DLC1: variants seen among roughly 807,000 people sequenced by gnomAD.
DLC1 encodes rho GTPase-activating protein 7.
A neutral mutation model predicts 140.3 loss-of-function variants in DLC1; 54 were observed. The observed-to-expected ratio is 0.38, with a 90% CI of 0.31 to 0.48. The LOEUF is 0.48. DLC1 is among the 20% of genes least tolerant of loss of function. The pLI, the probability that DLC1 is intolerant of heterozygous loss-of-function variation, is 0.96. For synonymous variants in DLC1, 986 were observed against 728.1 expected (o/e 1.35, Z -5.70); for missense variants, 2,536 against 1,907.0 (o/e 1.33, Z -6.14).
At chr8:13,172,760 A>G (rs1162572861) in intron 5 of DLC1, among the ~76,000 whole-genome samples, 2 of 152,216 alleles carry the variant, frequency 1.3e-5, no homozygotes, top group African/African-American at 4.8e-5. Flanking sequence ...CTGATCTAAC[A>G]GGGGATTTTA....
At chr8:13,284,258 G>T (rs1211038428) in intron 5 of DLC1, among the ~76,000 whole-genome samples, 7 of 152,218 alleles carry the variant, frequency 4.6e-5, no homozygotes, top group African/African-American at 7.2e-5. Flanking sequence ...CTGGCGCGGT[G>T]GCTCATGCCT....
intron 5 of DLC1, among the ~76,000 whole-genome samples, chr8:13,161,349 T>G (rs1824684144): frequency 6.6e-6 from 1 of 152,062 alleles, no homozygotes; most frequent in Admixed American, 6.5e-5. Flanking sequence ...TTTGTTTTGT[T>G]TTGTTTGAGA....
At chr8:13,383,768 A>C (rs1836379656) in intron 4 of DLC1, among the ~76,000 whole-genome samples, 2 of 152,162 alleles carry the variant, frequency 1.3e-5, no homozygotes, top group African/African-American at 4.8e-5. Context: ...CATTGAGAAA[A>C]ATGACATAGA....
chr8:13,228,392 A>G (rs561486578), intron 5 of DLC1, among the ~76,000 whole-genome samples: 15 of 152,292 alleles, frequency 9.8e-5, no homozygotes, highest in Admixed American at 4.6e-4. Context: ...AAGGAATTGT[A>G]TATGGAATAC....
chr8:13,514,099 G>A (rs1802494027), intron 1 of DLC1, among the ~76,000 whole-genome samples: 1 of 151,766 alleles, frequency 6.6e-6, no homozygotes, highest in Non-Finnish European at 1.5e-5. Context: ...ATTGAAACTG[G>A]CTTGGGTAAA....
intron 5 of DLC1, among the ~76,000 whole-genome samples, chr8:13,189,797 G>T (rs1327906709): frequency 6.6e-6 from 1 of 151,970 alleles, no homozygotes; most frequent in Non-Finnish European, 1.5e-5. Flanking sequence ...CAGGAGAATC[G>T]CTTGAAACCG....
chr8:13,375,240 G>T (rs898754744), intron 4 of DLC1, among the ~76,000 whole-genome samples: 3 of 152,012 alleles, frequency 2.0e-5, no homozygotes, highest in Non-Finnish European at 4.4e-5. Flanking sequence ...TGTTAGCCAG[G>T]ATGGTCTCGA....
chr8:13,341,914 C>G (rs1834073498), intron 4 of DLC1: 2 of 152,220 alleles, frequency 1.3e-5, no homozygotes, highest in Middle Eastern at 6.8e-3. Context: ...GCTGAAGAGT[C>G]TTTCAGTAAG....
At chr8:13,430,358 A>G (rs1423316020) in intron 2 of DLC1, among the ~76,000 whole-genome samples, 2 of 152,202 alleles carry the variant, frequency 1.3e-5, no homozygotes, top group Non-Finnish European at 2.9e-5. Context: ...CCAAAAGTAA[A>G]TGGTACGAGA....
intron 2 of DLC1, among the ~76,000 whole-genome samples, chr8:13,414,751 C>T (rs1029031840): frequency 1.3e-5 from 2 of 152,102 alleles, no homozygotes; most frequent in Non-Finnish European, 2.9e-5. Context: ...TTATACAATA[C>T]ATGCAATAAA....
chr8:13,290,346 G>A (rs1157290938), intron 5 of DLC1, among the ~76,000 whole-genome samples: 2 of 152,114 alleles, frequency 1.3e-5, no homozygotes, highest in African/African-American at 4.8e-5. Context: ...ACTAAGCCTA[G>A]GAGATTTTGG....
Position 13,088,566 on chromosome 8 carries a change from G to C in DLC1, c.4213C>G (p.Leu1405Val). ...DLLDSKVIEI[L>V]DSQTEIYQYV... ...TGGTAAATTTCAGTTTGGCTGTCCA[G>C]AATTTCGATCACTTTTGAATCCAAC... Residue 1405 changes from leucine to valine, a missense_variant, in exon 16 of 18, where the codon CTG (leucine) becomes GTG (valine). Transcript: ENST00000276297. 6.2e-7 allele frequency: 1 copy of C among 1,614,160 alleles called. No individual in the cohort carries two copies. Among genetic ancestry groups the C allele is most frequent in the South Asian group, 1.1e-5 (1 of 91,070 alleles).
chr8:13,559,803 A>G (rs1432726413), intron 1 of DLC1, among the ~76,000 whole-genome samples: 1 of 152,238 alleles, frequency 6.6e-6, no homozygotes, highest in East Asian at 1.9e-4. Flanking sequence ...CGTTTTATAC[A>G]TCATCTGTGC....
At chr8:13,492,406 A>C (rs1801294219) in intron 2 of DLC1, among the ~76,000 whole-genome samples, 1 of 152,028 alleles carries the variant, frequency 6.6e-6, no homozygotes, top group Admixed American at 6.6e-5. Flanking sequence ...TTTTTGTCAA[A>C]GACTTGTATT....
intron 4 of DLC1, among the ~76,000 whole-genome samples, chr8:13,321,932 T>A (rs1232341484): frequency 1.3e-5 from 2 of 152,056 alleles, no homozygotes; most frequent in African/African-American, 4.8e-5. Context: ...CTGCAAATAT[T>A]TTTTTTAGTA....
intron 2 of DLC1, among the ~76,000 whole-genome samples, chr8:13,466,834 A>G (rs573081769): frequency 4.6e-5 from 7 of 152,278 alleles, no homozygotes; most frequent in Admixed American, 4.6e-4. Context: ...AATTAGAGAA[A>G]TGCAAATTAA....
At chr8:13,423,932 T>C (rs981151) in intron 2 of DLC1, among the ~76,000 whole-genome samples, 86,487 of 152,038 alleles carry the variant, frequency 0.57, 24,857 homozygotes, top group Admixed American at 0.58. Context: ...ATAAGAATTA[T>C]GATCTCATTA....
rs997016111 is a variant in DLC1, at chr8:13,140,793, C to A, written c.1349-25136G>T. Among the ~76,000 whole-genome samples the A allele has an allele frequency of 6.6e-5, 10 of 152,052 alleles. 1 individual carries two copies. The highest frequency in any genetic ancestry group is 4.6e-4 in the Admixed American group (7 of 15,258). On this transcript the variant is annotated intron_variant, in intron 5 of 17. Transcript: ENST00000276297. ...CCTATAGGGCTTGACCCCAGAAAGG[C>A]GAAGACACAAATTTAATTTACAAAA...
chr8:13,261,684 C>G (rs1439559005), intron 5 of DLC1, among the ~76,000 whole-genome samples: 1 of 151,852 alleles, frequency 6.6e-6, no homozygotes, highest in Non-Finnish European at 1.5e-5. Context: ...TTTGCAGGTA[C>G]AGATGATAGG....
Sources: gnomAD v4.1 joint callset for allele counts (sites outside exome capture counted in the v4.1 genomes callset) on GRCh38, gnomAD v4.1.1 for gene constraint, MANE v1.5 for transcripts, NCBI Gene and HGNC (gene_info 2026-07-23, HGNC 2026-07-21) for gene names.